The following ULK4 variants were observed in gnomAD, a reference collection of about 807,000 sequenced individuals.
The protein encoded by ULK4 is unc-51 like kinase 4, also known as inactive serine/threonine-protein kinase ULK4.
A neutral mutation model predicts 160.6 loss-of-function variants in ULK4; 133 were observed. That is an observed-to-expected ratio of 0.83 (90% CI 0.72 to 0.96). The LOEUF (loss-of-function observed/expected upper bound fraction) is 0.96. Ranked by LOEUF, ULK4 falls within the 40% of genes least tolerant of loss-of-function variation. The pLI, the probability that ULK4 is intolerant of heterozygous loss-of-function variation, is 0.00. For missense variants in ULK4, 1,580 were observed against 1,499.5 expected (o/e 1.05, Z -0.89); for synonymous variants, 534 against 539.8 (o/e 0.99, Z 0.15).
intron 34 of ULK4, among the ~76,000 whole-genome samples, chr3:41,438,677 C>A (rs530487423): frequency 5.3e-5 from 8 of 151,874 alleles, no homozygotes; most frequent in African/African-American, 1.9e-4. Context: ...AAAAAACAAA[C>A]TTGGCCAGGC....
chr3:41,278,966 T>A (rs367870683), intron 35 of ULK4, among the ~76,000 whole-genome samples: 1 of 152,058 alleles, frequency 6.6e-6, no homozygotes, highest in Non-Finnish European at 1.5e-5. Context: ...TTGACAGAAG[T>A]TGGCTTCAGA....
intron 2 of ULK4, among the ~76,000 whole-genome samples, chr3:41,941,623 G>A (rs1699958488): frequency 6.6e-6 from 1 of 151,422 alleles, no homozygotes; most frequent in African/African-American, 2.4e-5. Flanking sequence ...CAGGCATGGT[G>A]GCACATGCCT....
In ULK4 at chr3:41,762,031, C is replaced by T. The variant is rs1027025365; in HGVS notation, c.2194-7543G>A. Among the ~76,000 whole-genome samples the T allele has an allele frequency of 2.0e-5, 3 of 152,106 alleles. No individual in the cohort carries two copies. The South Asian group carries it at 6.2e-4, about 32-fold the overall frequency. Reference sequence around the variant, plus strand: ...CCCAGGAGGTCGAGGCTACAGTGAGCTATGATCTCATCACTGCACTCCAGC... The same window carrying T: ...CCCAGGAGGTCGAGGCTACAGTGAGTTATGATCTCATCACTGCACTCCAGC... On this transcript the variant is annotated intron_variant, in intron 21 of 36. Coordinates refer to ENST00000301831, the MANE Select transcript of ULK4 (RefSeq NM_017886.4).
intron 2 of ULK4, among the ~76,000 whole-genome samples, chr3:41,954,340 A>AC (rs1700410956): frequency 7.5e-6 from 1 of 133,388 alleles, no homozygotes; most frequent in South Asian, 2.8e-4. Context: ...ACAGAGAGAG[A>AC]CCCTGTTTCT....
At chr3:41,302,672 A>G (rs1210204080) in intron 35 of ULK4, among the ~76,000 whole-genome samples, 1 of 152,208 alleles carries the variant, frequency 6.6e-6, no homozygotes, top group Non-Finnish European at 1.5e-5. Context: ...AAAAGTTCAG[A>G]TTCTAACTTG....
chr3:41,899,547 G>A lies in ULK4; in HGVS notation c.1288-1055C>T, dbSNP rs375705730. Among the ~76,000 whole-genome samples, 47 of 152,294 alleles carry A rather than the reference G, an allele frequency of 3.1e-4. No homozygotes were observed. The South Asian group carries it at 5.8e-3, about 19-fold the overall frequency. On this transcript the variant is annotated intron_variant, in intron 13 of 36. Transcript: ENST00000301831. ...CATGGGCTGCATGCAGCCCAAGACG[G>A]CTTTGAAAGTGGCCCAACACAAATT... is the stretch of plus-strand genomic sequence containing the variant.
chr3:41,636,006 C>G (rs929439730), intron 30 of ULK4, among the ~76,000 whole-genome samples: 1 of 152,110 alleles, frequency 6.6e-6, no homozygotes. Context: ...CCATTTTGTA[C>G]TCCTAGACAT....
intron 21 of ULK4, among the ~76,000 whole-genome samples, chr3:41,774,149 G>A (rs1015748025): frequency 2.8e-4 from 42 of 152,218 alleles, no homozygotes; most frequent in African/African-American, 1.0e-3. Flanking sequence ...TACCATTCAG[G>A]ACATAGGCAT....
intron 21 of ULK4, among the ~76,000 whole-genome samples, chr3:41,786,750 G>C (rs932539696): frequency 6.6e-6 from 1 of 151,932 alleles, no homozygotes; most frequent in African/African-American, 2.4e-5. Flanking sequence ...GAAGACAAGA[G>C]AGAGAAGATG....
intron 34 of ULK4, among the ~76,000 whole-genome samples, chr3:41,429,130 C>T (rs920494102): frequency 5.3e-5 from 8 of 151,678 alleles, no homozygotes; most frequent in Non-Finnish European, 1.2e-4. Flanking sequence ...ATATATGCAG[C>T]CAACAAAAAT....
chr3:41,464,677 G>A (rs377023537), intron 32 of ULK4, among the ~76,000 whole-genome samples: 7 of 152,268 alleles, frequency 4.6e-5, no homozygotes, highest in East Asian at 1.9e-4. Flanking sequence ...GTAAACATAC[G>A]CTGCAAGACA....
intron 17 of ULK4, among the ~76,000 whole-genome samples, chr3:41,858,093 T>C (rs1382404675): frequency 6.6e-6 from 1 of 151,250 alleles, no homozygotes; most frequent in Non-Finnish European, 1.5e-5. Flanking sequence ...CTTATAGCTA[T>C]AAAATTACCT....
At chr3:41,639,638 G>A (rs1289527827) in intron 30 of ULK4, among the ~76,000 whole-genome samples, 1 of 152,144 alleles carries the variant, frequency 6.6e-6, no homozygotes, top group African/African-American at 2.4e-5. Flanking sequence ...TGAGACAGGA[G>A]AATCACTTAA....
At chr3:41,831,532 T>TATATATATATATATATA (rs577123829) in intron 18 of ULK4, among the ~76,000 whole-genome samples, 19 of 125,870 alleles carry the variant, frequency 1.5e-4, no homozygotes, top group South Asian at 6.6e-4. Flanking sequence ...TATATATATA[T>TATATATATATATATATA]TTTTTTTTCT....
intron 21 of ULK4, among the ~76,000 whole-genome samples, chr3:41,776,379 T>C (rs1276927024): frequency 6.6e-6 from 1 of 150,846 alleles, no homozygotes; most frequent in Non-Finnish European, 1.5e-5. Context: ...TTATGTAAAT[T>C]TTCTTTTAAG....
At chr3:41,795,376 C>T (rs2040272810) in intron 20 of ULK4, among the ~76,000 whole-genome samples, 2 of 152,110 alleles carry the variant, frequency 1.3e-5, no homozygotes, top group Admixed American at 6.5e-5. Flanking sequence ...CTCTTTGTCT[C>T]CCAGTAAAGA....
chr3:41,444,339 C>T (rs1470667929), intron 34 of ULK4, among the ~76,000 whole-genome samples: 2 of 150,082 alleles, frequency 1.3e-5, no homozygotes, highest in Non-Finnish European at 2.9e-5. Context: ...GGGGGTATCT[C>T]TTTCTAAATG....
intron 17 of ULK4, chr3:41,859,489 A>G (rs2042446767): frequency 1.8e-6 from 1 of 548,418 alleles, no homozygotes; most frequent in African/African-American, 1.9e-5. Flanking sequence ...GGTAATGATA[A>G]CTTCCCAGTA....
chr3:41,623,736 G>T (rs996524267), intron 30 of ULK4, among the ~76,000 whole-genome samples: 4 of 152,116 alleles, frequency 2.6e-5, no homozygotes, highest in African/African-American at 9.7e-5. Context: ...ATAAATCAAA[G>T]GGTATAAAGT....
Sources: allele counts gnomAD v4.1 joint callset (sites outside exome capture counted in the v4.1 genomes callset), GRCh38; gene constraint gnomAD v4.1.1; transcripts MANE v1.5; gene names NCBI Gene and HGNC (gene_info 2026-07-23, HGNC 2026-07-21).